The following PCDH9 variants were observed in gnomAD, a reference collection of about 807,000 sequenced individuals.
The protein encoded by PCDH9 is protocadherin-9.
PCDH9 carries 24 observed loss-of-function variants against 70.6 expected under a neutral mutation model. The ratio of observed to expected loss-of-function variants is 0.34; its 90% CI spans 0.25 to 0.48. The LOEUF (loss-of-function observed/expected upper bound fraction) is 0.48. Ranked by LOEUF, PCDH9 falls within the 20% of genes least tolerant of loss-of-function variation. The pLI is 0.99. For synonymous variants in PCDH9, 562 were observed against 558.5 expected, an observed-to-expected ratio of 1.01 and a Z score of -0.09; for missense variants, 1,281 against 1,503.6, an observed-to-expected ratio of 0.85 and a Z score of 2.45.
chr13:66,616,484 CTTT>C (rs60587237), intron 4 of PCDH9, among the ~76,000 whole-genome samples: 3 of 116,696 alleles, frequency 2.6e-5, no homozygotes, highest in South Asian at 3.1e-4. Context: ...TTCTAAAATT[CTTT>C]TTTTTTTTTT....
At chr13:66,699,991 A>T (rs1440780280) in intron 3 of PCDH9, among the ~76,000 whole-genome samples, 1 of 152,120 alleles carries the variant, frequency 6.6e-6, no homozygotes, top group Non-Finnish European at 1.5e-5. Flanking sequence ...CCTATAAAAA[A>T]TTATACAATA....
At chr13:67,168,941 ATATGAT>A (rs1275398560) in intron 2 of PCDH9, among the ~76,000 whole-genome samples, 1 of 152,240 alleles carries the variant, frequency 6.6e-6, no homozygotes. Context: ...GTCTGGACTC[ATATGAT>A]TATGAACAAC....
At chr13:66,906,505 T>C (rs2082362865) in intron 2 of PCDH9, among the ~76,000 whole-genome samples, 3 of 152,158 alleles carry the variant, frequency 2.0e-5, no homozygotes. Flanking sequence ...CAAGAAAATA[T>C]GCAACATAAC....
intron 2 of PCDH9, among the ~76,000 whole-genome samples, chr13:66,918,015 C>T (rs564349924): frequency 6.6e-6 from 1 of 151,230 alleles, no homozygotes; most frequent in African/African-American, 2.4e-5. Context: ...TGGTTATGTT[C>T]GAGGATGATT....
At chr13:66,581,623 A>T (rs2076893220) in intron 4 of PCDH9, among the ~76,000 whole-genome samples, 1 of 152,214 alleles carries the variant, frequency 6.6e-6, no homozygotes, top group Admixed American at 6.5e-5. Context: ...AGTTTTCTTC[A>T]TGAAGCAGAA....
At chr13:66,764,683 G>T (rs1158033636) in intron 3 of PCDH9, among the ~76,000 whole-genome samples, 3 of 151,898 alleles carry the variant, frequency 2.0e-5, no homozygotes, top group Non-Finnish European at 4.4e-5. Flanking sequence ...TCATGGGCAG[G>T]GCTCTTCAGC....
intron 3 of PCDH9, among the ~76,000 whole-genome samples, chr13:66,686,425 A>G (rs1034430601): frequency 1.3e-5 from 2 of 152,170 alleles, no homozygotes; most frequent in African/African-American, 4.8e-5. Context: ...ACCTCTTTCC[A>G]TTATAAATCA....
At chr13:66,675,132 A>G (rs1593874979) in intron 3 of PCDH9, among the ~76,000 whole-genome samples, 1 of 152,144 alleles carries the variant, frequency 6.6e-6, no homozygotes, top group Non-Finnish European at 1.5e-5. Flanking sequence ...TCTGTAAAAT[A>G]CAGTGAAGAT....
At position 66,640,620 on chromosome 13, in the gene PCDH9, C is replaced by T. The variant is rs369479118; in HGVS notation, c.3139-9209G>A. Among the ~76,000 whole-genome samples, 107 of 151,942 alleles carry T rather than the reference C, an allele frequency of 7.0e-4. 1 individual carries two copies. Among genetic ancestry groups the T allele is most frequent in the African/African-American group, 2.5e-3 (104 of 41,454 alleles). On this transcript the variant is annotated intron_variant, in intron 3 of 4. Transcript: ENST00000377865. ...CTGAAAAGGGAAAAGATTGTAATTA[C>T]CTAGTAAGAATGAAAACTAGTAATT...
intron 4 of PCDH9, among the ~76,000 whole-genome samples, chr13:66,444,546 T>C (rs1958035525): frequency 6.6e-6 from 1 of 152,042 alleles, no homozygotes; most frequent in African/African-American, 2.4e-5. Flanking sequence ...TTTTTATTTA[T>C]TTATTTTATT....
intron 4 of PCDH9, among the ~76,000 whole-genome samples, chr13:66,420,583 C>T (rs1819530): frequency 0.82 from 124,760 of 152,118 alleles, 52,747 homozygotes; most frequent in South Asian, 0.95. Context: ...CAGACCTGCA[C>T]AAGAGAGGCC....
intron 3 of PCDH9, among the ~76,000 whole-genome samples, chr13:66,632,809 T>C (rs1166882901): frequency 6.6e-6 from 1 of 152,068 alleles, no homozygotes; most frequent in Non-Finnish European, 1.5e-5. Context: ...TTCGATACCA[T>C]GCTACATATG....
chr13:66,463,527 T>G (rs1958462843), intron 4 of PCDH9, among the ~76,000 whole-genome samples: 2 of 151,886 alleles, frequency 1.3e-5, no homozygotes, highest in African/African-American at 4.8e-5. Context: ...GATTTGTAAG[T>G]ATTTATTGTG....
At chr13:66,930,355 G>C (rs962249272) in intron 2 of PCDH9, among the ~76,000 whole-genome samples, 2 of 152,060 alleles carry the variant, frequency 1.3e-5, no homozygotes, top group Non-Finnish European at 2.9e-5. Flanking sequence ...CCTATGCCCT[G>C]TCAGTGACAG....
intron 2 of PCDH9, among the ~76,000 whole-genome samples, chr13:66,938,064 G>A (rs1218371610): frequency 6.6e-6 from 1 of 152,164 alleles, no homozygotes; most frequent in Non-Finnish European, 1.5e-5. Flanking sequence ...TCTAAAAGGA[G>A]AGTTCATTCC....
At chr13:67,020,473 G>A (rs931486399) in intron 2 of PCDH9, among the ~76,000 whole-genome samples, 1 of 152,066 alleles carries the variant, frequency 6.6e-6, no homozygotes. Flanking sequence ...GGGCCAGGTA[G>A]GACTGAACCC....
intron 2 of PCDH9, among the ~76,000 whole-genome samples, chr13:66,955,921 G>A (rs143699589): frequency 8.5e-5 from 13 of 152,136 alleles, no homozygotes; most frequent in African/African-American, 2.2e-4. Flanking sequence ...GTGAAACCCC[G>A]TTTCTACTAA....
At chr13:66,532,194 G>A (rs910169461) in intron 4 of PCDH9, among the ~76,000 whole-genome samples, 2 of 151,512 alleles carry the variant, frequency 1.3e-5, no homozygotes, top group African/African-American at 4.9e-5. Context: ...TGTAGAGACA[G>A]GGTCTCACTA....
intron 4 of PCDH9, among the ~76,000 whole-genome samples, chr13:66,531,959 T>A (rs1037025763): frequency 2.6e-5 from 4 of 152,048 alleles, no homozygotes; most frequent in African/African-American, 9.7e-5. Flanking sequence ...GCTGCTTGCA[T>A]TCTAAGACAT....
Sources: allele counts gnomAD v4.1 joint callset (sites outside exome capture counted in the v4.1 genomes callset), GRCh38; gene constraint gnomAD v4.1.1; transcripts MANE v1.5; gene names NCBI Gene and HGNC (gene_info 2026-07-23, HGNC 2026-07-21).